Variants in TSPAN9 observed in about 807,000 individuals in gnomAD.
The protein encoded by TSPAN9 is tetraspanin-9.
In TSPAN9, 16 loss-of-function variants were observed where a neutral mutation model predicts 31.0. The observed-to-expected ratio is 0.52, with a 90% confidence interval of 0.35 to 0.78. The LOEUF (loss-of-function observed/expected upper bound fraction) is 0.78. TSPAN9 is among the 30% of genes least tolerant of loss of function. TSPAN9 has a pLI of 0.01. For synonymous variants in TSPAN9, 145 were observed against 121.6 expected, an observed-to-expected ratio of 1.19 and a Z score of -1.27; for missense variants, 272 against 312.5, an observed-to-expected ratio of 0.87 and a Z score of 0.98.
intron 2 of TSPAN9, among the ~76,000 whole-genome samples, chr12:3,141,099 G>T (rs2098334603): frequency 6.6e-6 from 1 of 151,980 alleles, no homozygotes; most frequent in Admixed American, 6.5e-5. Context: ...GGGCTTTGAG[G>T]TCCTCGCCAA....
intron 3 of TSPAN9, among the ~76,000 whole-genome samples, chr12:3,231,014 A>G (rs1373972431): frequency 2.0e-5 from 3 of 151,978 alleles, no homozygotes; most frequent in African/African-American, 7.3e-5. Context: ...ACCTACATAA[A>G]CCTTCTGCCT....
chr12:3,198,936 T>C (rs2098369518), intron 2 of TSPAN9, among the ~76,000 whole-genome samples: 1 of 152,158 alleles, frequency 6.6e-6, no homozygotes, highest in East Asian at 1.9e-4. Context: ...TGGAAGTCCC[T>C]CTGGCTGGAA....
In TSPAN9 at chr12:3,283,116, A is replaced by G; in HGVS notation, c.720A>G (p.Ter240TrpextTer31). 6.2e-7 allele frequency: 1 copy of G among 1,608,146 alleles called. No homozygotes were observed. Among genetic ancestry groups the G allele is most frequent in the Non-Finnish European group, 8.5e-7 (1 of 1,179,920 alleles). ...GGACTGGTAAGAAGTACGACGCATG[A>G]GCGGGCTGGCCGGGAGTGCCCACCC... is the stretch of plus-strand genomic sequence containing the variant. ...IHRTGKKYDA[*>W] Residue 240 changes from the stop codon to tryptophan (W), a stop_lost, in exon 9 of 9, where the codon TGA becomes TGG. Coordinates refer to ENST00000011898, the MANE Select transcript of TSPAN9 (RefSeq NM_006675.5).
intron 2 of TSPAN9, among the ~76,000 whole-genome samples, chr12:3,095,605 C>T (rs1014633188): frequency 1.6e-5 from 2 of 123,038 alleles, no homozygotes; most frequent in Non-Finnish European, 3.6e-5. Flanking sequence ...ACCTCCCAGA[C>T]GGGGCGGCTG....
At chr12:3,174,614 A>C (rs549763173) in intron 2 of TSPAN9, among the ~76,000 whole-genome samples, 2 of 151,890 alleles carry the variant, frequency 1.3e-5, no homozygotes, top group Admixed American at 1.3e-4. Context: ...ACGGAGTCTC[A>C]CTCTGTCGCC....
At chr12:3,097,876 A>G (rs909634206) in intron 2 of TSPAN9, among the ~76,000 whole-genome samples, 1 of 152,230 alleles carries the variant, frequency 6.6e-6, no homozygotes, top group Non-Finnish European at 1.5e-5. Flanking sequence ...TCCCTTCCCC[A>G]GAGTCAGGCA....
In TSPAN9 at chr12:3,278,532, G is replaced by A. The variant is rs142466845; in HGVS notation, c.175G>A (p.Ala59Thr). The A allele has an allele frequency of 6.9e-5, 111 of 1,614,186 alleles. No homozygotes were observed. Among genetic ancestry groups the A allele is most frequent in the Non-Finnish European group, 8.5e-5 (100 of 1,180,026 alleles). ...GTTGTCTGCAGCCAACCTGGTCATT[G>A]CCATAGGCACCATTGTCATGGTGAC... ...PSLSAANLVI[A>T]IGTIVMVTGF... The change falls in exon 4 of 9, where the codon GCC becomes ACC. Residue 59 changes from alanine to threonine, a missense_variant. Physicochemically the swap from Ala to Thr is moderately conservative, Grantham distance 58. Coordinates refer to ENST00000011898, the MANE Select transcript of TSPAN9 (RefSeq NM_006675.5).
At chr12:3,259,215 C>A (rs12307438) in intron 3 of TSPAN9, among the ~76,000 whole-genome samples, 7,268 of 152,266 alleles carry the variant, frequency 0.048, 553 homozygotes, top group African/African-American at 0.17. Context: ...GAGTCCACCG[C>A]CTTCATAGCC....
intron 3 of TSPAN9, among the ~76,000 whole-genome samples, chr12:3,218,012 C>A (rs11611170): frequency 6.6e-6 from 1 of 151,818 alleles, no homozygotes; most frequent in Non-Finnish European, 1.5e-5. Flanking sequence ...TGGTGTGTGG[C>A]GGGTGTGTTG....
chr12:3,109,093 G>A lies in TSPAN9; in HGVS notation c.-18+25374G>A, dbSNP rs1038317853. ...TGGGACTACAGGCACTCGCCACCAC[G>A]CCCGGCTAATTTTTTGCATTTTTAG... is the stretch of plus-strand genomic sequence containing the variant. On this transcript the variant is annotated intron_variant, in intron 2 of 8. Coordinates refer to ENST00000011898, the MANE Select transcript of TSPAN9 (RefSeq NM_006675.5). Among the ~76,000 whole-genome samples, 51 of 151,992 alleles carry A rather than the reference G, an allele frequency of 3.4e-4. No homozygotes were observed. The South Asian group carries it at 3.7e-3, about 11-fold the overall frequency.
chr12:3,122,740 A>G (rs1239805423), intron 2 of TSPAN9, among the ~76,000 whole-genome samples: 1 of 152,178 alleles, frequency 6.6e-6, no homozygotes, highest in Non-Finnish European at 1.5e-5. Flanking sequence ...TTTAGTCCAG[A>G]GAAAAACTGT....
chr12:3,176,256 G>C (rs186925270), intron 2 of TSPAN9, among the ~76,000 whole-genome samples: 48 of 152,342 alleles, frequency 3.2e-4, no homozygotes, highest in African/African-American at 1.0e-3. Context: ...AGTCTGAATG[G>C]GGGGAGCCCA....
At position 3,283,215 on chromosome 12, in the gene TSPAN9, G is replaced by A. The variant is rs1862934734; in HGVS notation, c.*99G>A. 2 of 1,288,680 alleles carry A rather than the reference G, an allele frequency of 1.6e-6. No homozygotes were observed. The highest frequency in any genetic ancestry group is 2.2e-6 in the Non-Finnish European group (2 of 923,216). 79.8% of individuals were successfully genotyped at this position (1,288,680 alleles called of 1,614,324 possible). ...CCTGCGCTCTCCAGATATGACCCCTGCACCCACCCCCCACAGCCTGCCCTA... is the reference window on the plus strand; with the variant it reads ...CCTGCGCTCTCCAGATATGACCCCTACACCCACCCCCCACAGCCTGCCCTA... On this transcript the variant is annotated 3_prime_UTR_variant, in exon 9 of 9. Coordinates refer to ENST00000011898, the MANE Select transcript of TSPAN9 (RefSeq NM_006675.5).
intron 2 of TSPAN9, among the ~76,000 whole-genome samples, chr12:3,142,639 C>T (rs1305479187): frequency 1.3e-5 from 2 of 152,162 alleles, no homozygotes; most frequent in African/African-American, 2.4e-5. Context: ...CTCGCCCCTG[C>T]CCCCTGCGCC....
chr12:3,150,482 C>T (rs1052769976), intron 2 of TSPAN9, among the ~76,000 whole-genome samples: 6 of 152,094 alleles, frequency 3.9e-5, no homozygotes, highest in Admixed American at 1.3e-4. Context: ...GTCTGTGGCC[C>T]GGTGTGAATC....
intron 2 of TSPAN9, chr12:3,200,195 C>T (rs2098370562): frequency 6.6e-6 from 1 of 152,302 alleles, no homozygotes; most frequent in African/African-American, 2.4e-5. Flanking sequence ...ACGCTAATCC[C>T]ATTAAAGATA....
At chr12:3,163,109 C>A (rs577887068) in intron 2 of TSPAN9, among the ~76,000 whole-genome samples, 31 of 152,342 alleles carry the variant, frequency 2.0e-4, no homozygotes, top group African/African-American at 7.2e-4. Context: ...GTTCGTGCAG[C>A]TCTCTGTGGA....
chr12:3,078,452 A>G (rs2153961071), intron 1 of TSPAN9, among the ~76,000 whole-genome samples: 1 of 152,314 alleles, frequency 6.6e-6, no homozygotes, highest in South Asian at 2.1e-4. Flanking sequence ...TTTACTGAAA[A>G]TAGCCACAGA....
At chr12:3,079,018 T>C (rs958642696) in intron 1 of TSPAN9, among the ~76,000 whole-genome samples, 2 of 151,140 alleles carry the variant, frequency 1.3e-5, no homozygotes, top group African/African-American at 2.4e-5. Flanking sequence ...CTCACTCTGT[T>C]GCCCAGGCTG....
Sources: gnomAD v4.1 joint callset for allele counts (sites outside exome capture counted in the v4.1 genomes callset) on GRCh38, gnomAD v4.1.1 for gene constraint, MANE v1.5 for transcripts, NCBI Gene and HGNC (gene_info 2026-07-23, HGNC 2026-07-21) for gene names.